SCP2: variants seen among roughly 807,000 people sequenced by gnomAD.
The protein encoded by SCP2 is sterol carrier protein 2.
In SCP2, 48 loss-of-function variants were observed where a neutral mutation model predicts 71.4. The ratio of observed to expected loss-of-function variants is 0.67; its 90% CI spans 0.53 to 0.86. The LOEUF (loss-of-function observed/expected upper bound fraction) is 0.86. SCP2 is among the 40% of genes least tolerant of loss of function. The pLI, the probability that SCP2 is intolerant of heterozygous loss-of-function variation, is 0.00. For missense variants in SCP2, 560 were observed against 655.6 expected, an observed-to-expected ratio of 0.85 and a Z score of 1.59; for synonymous variants, 220 against 218.1, an observed-to-expected ratio of 1.01 and a Z score of -0.08.
intron 11 of SCP2, among the ~76,000 whole-genome samples, chr1:52,992,948 C>T (rs1659630515): frequency 6.6e-6 from 1 of 152,100 alleles, no homozygotes. Flanking sequence ...AAGAGCATGT[C>T]TGTGTATATA....
At chr1:53,041,634 A>G (rs376303686) in intron 14 of SCP2, among the ~76,000 whole-genome samples, 10 of 152,136 alleles carry the variant, frequency 6.6e-5, no homozygotes, top group African/African-American at 2.4e-4. Flanking sequence ...AAGTGAGCGG[A>G]GAGGATGACC....
chr1:52,990,537 A>T (rs1320206762), intron 11 of SCP2, among the ~76,000 whole-genome samples: 4 of 152,038 alleles, frequency 2.6e-5, no homozygotes, highest in East Asian at 3.9e-4. Context: ...GATCAAGACC[A>T]TCCTGGCTAA....
chr1:53,025,116 G>T (rs377668549), intron 12 of SCP2, among the ~76,000 whole-genome samples: 1 of 152,090 alleles, frequency 6.6e-6, no homozygotes, highest in African/African-American at 2.4e-5. Flanking sequence ...CTTTTGTCAA[G>T]GTCAGGTCAT....
intron 15 of SCP2, 63 bp from the exon 16 acceptor site, chr1:53,050,546 A>G (rs1457088087): frequency 3.0e-6 from 3 of 1,008,578 alleles, no homozygotes; most frequent in Non-Finnish European, 4.8e-6. Flanking sequence ...TAGATAGTGT[A>G]GAAACATCAG....
At position 53,014,909 on chromosome 1, in the gene SCP2, A is replaced by G. The variant is rs1420894704; in HGVS notation, c.1101A>G (p.Glu367=). Residue 367 remains glutamate (E), a synonymous_variant, in exon 12 of 16, where the codon GAA becomes GAG. Coordinates refer to ENST00000371514, the MANE Select transcript of SCP2 (RefSeq NM_002979.5). The part of the protein sequence containing the change: ...LGATGLAQCA[E]LCWQLRGEAG... The stretch of plus-strand genomic sequence containing the variant: ...TGTTAGGTCTTGCTCAGTGTGCAGA[A>G]CTCTGCTGGCAGCTGAGAGGGGAAG... 1.9e-6 allele frequency: 3 copies of G among 1,613,190 alleles called. No homozygotes were observed. Among genetic ancestry groups the G allele is most frequent in the South Asian group, 1.1e-5 (1 of 91,028 alleles).
At chr1:53,009,508 C>G (rs907707957) in intron 11 of SCP2, among the ~76,000 whole-genome samples, 2 of 152,086 alleles carry the variant, frequency 1.3e-5, no homozygotes, top group African/African-American at 4.8e-5. Flanking sequence ...ACAAACCTGA[C>G]AAAAACAAGA....
intron 1 of SCP2, among the ~76,000 whole-genome samples, chr1:52,931,289 C>T (rs1167089869): frequency 6.6e-6 from 1 of 152,166 alleles, no homozygotes; most frequent in East Asian, 1.9e-4. Flanking sequence ...CCCAGCAGAA[C>T]TCCAGAAGGC....
intron 12 of SCP2, among the ~76,000 whole-genome samples, chr1:53,025,210 T>C (rs1278563801): frequency 6.7e-6 from 1 of 150,164 alleles, no homozygotes; most frequent in Non-Finnish European, 1.5e-5. Context: ...GGAATCTTGC[T>C]CCCGGCTCCT....
Position 53,001,085 on chromosome 1 carries a change from C to T in SCP2, c.1081+12949C>T, listed in dbSNP as rs183340479. 9.9e-5 allele frequency among the ~76,000 whole-genome samples: 15 copies of T among 152,002 alleles called. No individual in the cohort carries two copies. In the East Asian group the frequency reaches 2.1e-3, roughly 21 times the overall value. On this transcript the variant is annotated intron_variant, in intron 11 of 15. Transcript: ENST00000371514. ...AACAATTTATATTTTTTTAAAGTTC[C>T]GCCAGAGCTTCTCATGCATAGCCAG...
At chr1:52,952,017 T>G (rs1655364119) in intron 4 of SCP2, among the ~76,000 whole-genome samples, 1 of 152,052 alleles carries the variant, frequency 6.6e-6, no homozygotes, top group Non-Finnish European at 1.5e-5. Context: ...CAAAGTGAGG[T>G]GTGAGGCTTA....
chr1:52,976,888 G>T (rs1442636974), intron 8 of SCP2, 119 bp downstream of exon 8: 2 of 682,660 alleles, frequency 2.9e-6, no homozygotes, highest in Non-Finnish European at 5.4e-6. Context: ...ACTCCTCCCA[G>T]TGCCGTCCCC....
chr1:53,008,348 A>G (rs1232477242), intron 11 of SCP2, among the ~76,000 whole-genome samples: 3 of 152,216 alleles, frequency 2.0e-5, no homozygotes, highest in Non-Finnish European at 4.4e-5. Context: ...TTAGACCAAT[A>G]TCCCTGATGA....
At chr1:53,032,114 T>C (rs1249855415) in intron 13 of SCP2, among the ~76,000 whole-genome samples, 1 of 152,250 alleles carries the variant, frequency 6.6e-6, no homozygotes, top group Non-Finnish European at 1.5e-5. Flanking sequence ...TTAAGGAATG[T>C]GAAGAAGACT....
intron 1 of SCP2, among the ~76,000 whole-genome samples, chr1:52,930,938 A>C (rs984701138): frequency 1.3e-5 from 2 of 152,336 alleles, no homozygotes; most frequent in African/African-American, 2.4e-5. Flanking sequence ...GAGATGCAAA[A>C]ATGAAAAAAA....
intron 5 of SCP2, among the ~76,000 whole-genome samples, chr1:52,959,719 A>G (rs797003481): frequency 1.4e-4 from 21 of 151,992 alleles, no homozygotes; most frequent in African/African-American, 5.1e-4. Flanking sequence ...AAAGTCATTC[A>G]TGTTATTCCC....
intron 6 of SCP2, among the ~76,000 whole-genome samples, chr1:52,971,946 G>A (rs971659406): frequency 2.9e-4 from 44 of 152,196 alleles, no homozygotes; most frequent in African/African-American, 4.8e-5. Flanking sequence ...TTGGGGAAGA[G>A]GGATTCTAGT....
At chr1:52,952,224 A>G (rs1655380466) in intron 4 of SCP2, among the ~76,000 whole-genome samples, 1 of 152,160 alleles carries the variant, frequency 6.6e-6, no homozygotes, top group Non-Finnish European at 1.5e-5. Context: ...GAATTGTACA[A>G]TACATGGCCT....
chr1:53,032,090 A>G (rs1012529157), intron 13 of SCP2, among the ~76,000 whole-genome samples: 2 of 152,230 alleles, frequency 1.3e-5, no homozygotes, highest in South Asian at 4.1e-4. Flanking sequence ...CAGAACCTTG[A>G]GAGATAAAAG....
chr1:52,983,178 A>T (rs560606772), intron 10 of SCP2, among the ~76,000 whole-genome samples: 1 of 152,152 alleles, frequency 6.6e-6, no homozygotes, highest in Non-Finnish European at 1.5e-5. Context: ...TGACCGCCAT[A>T]GTTTCTAACG....
Sources: allele counts gnomAD v4.1 joint callset (sites outside exome capture counted in the v4.1 genomes callset), GRCh38; gene constraint gnomAD v4.1.1; transcripts MANE v1.5; gene names NCBI Gene and HGNC (gene_info 2026-07-23, HGNC 2026-07-21).